ROBO1: variants seen among roughly 807,000 people sequenced by gnomAD.
ROBO1 encodes the protein roundabout guidance receptor 1, also known as roundabout homolog 1.
A neutral mutation model predicts 195.9 loss-of-function variants in ROBO1; 149 were observed. That is an observed-to-expected ratio of 0.76 (90% CI 0.67 to 0.87). The LOEUF (loss-of-function observed/expected upper bound fraction) is 0.87. ROBO1 is among the 40% of genes least tolerant of loss of function. The probability of loss-of-function intolerance (pLI) is 0.00; values close to 1 mark genes in which losing one functional copy is unlikely to be tolerated. For missense variants in ROBO1, 1,933 were observed against 2,068.3 expected, an observed-to-expected ratio of 0.93 and a Z score of 1.27; for synonymous variants, 816 against 733.2, an observed-to-expected ratio of 1.11 and a Z score of -1.82.
At chr3:79,501,763 A>G (rs748208617) in intron 2 of ROBO1, among the ~76,000 whole-genome samples, 1 of 152,222 alleles carries the variant, frequency 6.6e-6, no homozygotes, top group African/African-American at 2.4e-5. Flanking sequence ...TAAAAAAACA[A>G]ATCTATGTCA....
chr3:79,255,050 G>A (rs549150923), intron 2 of ROBO1, among the ~76,000 whole-genome samples: 4 of 152,054 alleles, frequency 2.6e-5, no homozygotes, highest in South Asian at 2.1e-4. Flanking sequence ...AAAGTCTTCC[G>A]CATTTGCTGG....
At chr3:78,954,054 GT>G (rs1434720649) in intron 3 of ROBO1, among the ~76,000 whole-genome samples, 1 of 151,498 alleles carries the variant, frequency 6.6e-6, no homozygotes, top group East Asian at 1.9e-4. Context: ...TAAATCTTTA[GT>G]TTAAGTTGAG....
At chr3:79,762,402 A>C (rs1458102088) in intron 1 of ROBO1, among the ~76,000 whole-genome samples, 1 of 152,130 alleles carries the variant, frequency 6.6e-6, no homozygotes, top group Non-Finnish European at 1.5e-5. Context: ...CACAGCATTC[A>C]GAACATAGCG....
intron 1 of ROBO1, among the ~76,000 whole-genome samples, chr3:79,634,047 A>G (rs1241287074): frequency 6.6e-6 from 1 of 152,088 alleles, no homozygotes; most frequent in Non-Finnish European, 1.5e-5. Context: ...AAATGTGTGG[A>G]ATATTATTGA....
intron 4 of ROBO1, among the ~76,000 whole-genome samples, chr3:78,936,763 C>T (rs1034270825): frequency 2.6e-5 from 4 of 151,990 alleles, no homozygotes; most frequent in African/African-American, 9.7e-5. Flanking sequence ...TGTAACCAAT[C>T]GCCCATGAAT....
chr3:79,135,463 A>G (rs963346123), intron 2 of ROBO1, among the ~76,000 whole-genome samples: 14 of 152,178 alleles, frequency 9.2e-5, no homozygotes, highest in African/African-American at 3.4e-4. Context: ...TGAAGACTTG[A>G]GATCCAGCTT....
At chr3:79,612,827 T>C (rs1292606163) in intron 1 of ROBO1, among the ~76,000 whole-genome samples, 3 of 150 alleles carry the variant, frequency 0.02, no homozygotes, top group Non-Finnish European at 0.044. Context: ...ATAAATGTCT[T>C]CTTTTGAGAA....
chr3:78,788,001 A>G (rs2083894160), intron 4 of ROBO1, among the ~76,000 whole-genome samples: 1 of 135,936 alleles, frequency 7.4e-6, no homozygotes, highest in Admixed American at 8.3e-5. Context: ...GTGCAGGGGC[A>G]CGATCTCGGC....
At chr3:78,837,483 T>A (rs1245245635) in intron 4 of ROBO1, among the ~76,000 whole-genome samples, 1 of 152,124 alleles carries the variant, frequency 6.6e-6, no homozygotes, top group Non-Finnish European at 1.5e-5. Flanking sequence ...TAGCTAACAA[T>A]GTTTAACAGT....
In ROBO1 at chr3:78,746,730, A is replaced by G. The variant is rs767858879; in HGVS notation, c.657+13T>C. 1 of 1,468,338 alleles carries G rather than the reference A, an allele frequency of 6.8e-7. No individual in the cohort carries two copies. The allele number at this position is 1,468,338 out of a possible 1,614,324, so 91.0% of individuals were successfully genotyped here. A position where few individuals can be genotyped will look rare whatever the true frequency, so the allele number is the denominator to read the frequency against. ...ACCAACAAATGTCCTCTGCTGTTGAATTAAATACTCACAGTTATTCTTTCA... is the reference window on the plus strand; with the variant it reads ...ACCAACAAATGTCCTCTGCTGTTGAGTTAAATACTCACAGTTATTCTTTCA... On this transcript the variant is annotated intron_variant, in intron 5 of 30. Coordinates refer to ENST00000464233, the MANE Select transcript of ROBO1 (RefSeq NM_002941.4).
In ROBO1 at chr3:79,589,902, TC is replaced by T; in HGVS notation, c.9del (p.Trp3Ter). ...ATCATGACCAAAAAAGGAACATGTT[TC>T]CATTTCATCTTTGTCCCTTCCTTGC... Reference protein sequence around the residue: MKWKHVPFLVMIS... With the variant: MKXKHVPFLVMIS... On this transcript the variant is annotated frameshift_variant, in exon 2 of 31. Coordinates refer to ENST00000464233, the MANE Select transcript of ROBO1 (RefSeq NM_002941.4). LOFTEE classifies it high-confidence loss of function. 1 of 1,610,160 alleles carries T rather than the reference TC, an allele frequency of 6.2e-7. No homozygotes were observed. Among genetic ancestry groups the T allele is most frequent in the Non-Finnish European group, 8.5e-7 (1 of 1,177,222 alleles).
chr3:78,883,290 T>C (rs2036295654), intron 4 of ROBO1, among the ~76,000 whole-genome samples: 1 of 152,126 alleles, frequency 6.6e-6, no homozygotes, highest in Non-Finnish European at 1.5e-5. Flanking sequence ...AGTATACTTG[T>C]AAAATGTACT....
intron 2 of ROBO1, among the ~76,000 whole-genome samples, chr3:79,197,986 G>A (rs1361665706): frequency 6.6e-6 from 1 of 151,552 alleles, no homozygotes; most frequent in Non-Finnish European, 1.5e-5. Flanking sequence ...AATCTGTAGG[G>A]CGCCTGTTCA....
chr3:78,905,349 C>T (rs1369574501), intron 4 of ROBO1, among the ~76,000 whole-genome samples: 1 of 152,052 alleles, frequency 6.6e-6, no homozygotes, highest in African/African-American at 2.4e-5. Flanking sequence ...TACAACTCTG[C>T]TGATGGGATT....
chr3:78,758,656 C>T (rs1419764568), intron 4 of ROBO1, among the ~76,000 whole-genome samples: 1 of 151,516 alleles, frequency 6.6e-6, no homozygotes, highest in Non-Finnish European at 1.5e-5. Context: ...AATTATTAAC[C>T]ATTACTAAAT....
At chr3:79,565,694 T>C (rs2107726716) in intron 2 of ROBO1, among the ~76,000 whole-genome samples, 1 of 152,186 alleles carries the variant, frequency 6.6e-6, no homozygotes, top group East Asian at 1.9e-4. Flanking sequence ...GCTGACCAAT[T>C]GTAGGGTCCT....
chr3:78,748,519 T>C (rs76914716), intron 4 of ROBO1, among the ~76,000 whole-genome samples: 12,226 of 152,142 alleles, frequency 0.08, 1,059 homozygotes, highest in African/African-American at 0.22. Context: ...TATTTATTAC[T>C]ATAATTTTGT....
At position 79,107,121 on chromosome 3, in the gene ROBO1, TCTCTCTCA is replaced by T. The variant is rs895201377; in HGVS notation, c.172+18327_172+18334del. On this transcript the variant is annotated intron_variant, in intron 3 of 30. Coordinates refer to ENST00000464233, the MANE Select transcript of ROBO1 (RefSeq NM_002941.4). ...ACCTCTCTCTTTCTCTCTCTCTCTC[TCTCTCTCA>T]CACACACACACACACACACACACAC... 1.1e-4 allele frequency among the ~76,000 whole-genome samples: 16 copies of T among 140,858 alleles called. No homozygotes were observed. The South Asian group carries it at 2.3e-3, about 20-fold the overall frequency. 92.4% of individuals were successfully genotyped at this position (140,858 alleles called of 152,430 possible).
chr3:79,101,480 G>A (rs2079674808), intron 3 of ROBO1, among the ~76,000 whole-genome samples: 1 of 151,818 alleles, frequency 6.6e-6, no homozygotes, highest in African/African-American at 2.4e-5. Flanking sequence ...TAATGAATGT[G>A]ACACCTGCCT....
Sources: allele counts gnomAD v4.1 joint callset (sites outside exome capture counted in the v4.1 genomes callset), GRCh38; gene constraint gnomAD v4.1.1; transcripts MANE v1.5; gene names NCBI Gene and HGNC (gene_info 2026-07-23, HGNC 2026-07-21).